Variants in ZC3H11A observed in about 807,000 individuals in gnomAD.
The protein encoded by ZC3H11A is zinc finger CCCH-type containing 11A.
Under a neutral mutation model 90.8 loss-of-function variants are expected in ZC3H11A, and 22 were observed. That is an observed-to-expected ratio of 0.24 (90% confidence interval 0.17 to 0.35). The LOEUF (loss-of-function observed/expected upper bound fraction) is 0.35, where lower values mean the gene tolerates loss of function less well. ZC3H11A is among the 10% of genes least tolerant of loss of function. ZC3H11A has a pLI of 1.00. For missense variants in ZC3H11A, 701 were observed against 964.9 expected, an observed-to-expected ratio of 0.73 and a Z score of 3.62; for synonymous variants, 294 against 339.8, an observed-to-expected ratio of 0.87 and a Z score of 1.48.
intron 2 of ZC3H11A, among the ~76,000 whole-genome samples, chr1:203,803,256 A>C (rs1671075055): frequency 6.6e-6 from 1 of 151,942 alleles, no homozygotes; most frequent in African/African-American, 2.4e-5. Context: ...CAATGGTGCC[A>C]TCTTGGCTCA....
chr1:203,809,864 G>A (rs986585943), intron 2 of ZC3H11A, among the ~76,000 whole-genome samples: 5 of 152,138 alleles, frequency 3.3e-5, no homozygotes, highest in Non-Finnish European at 1.5e-5. Context: ...TGAGGCAGGA[G>A]AATTGCTTGA....
intron 10 of ZC3H11A, among the ~76,000 whole-genome samples, chr1:203,836,487 C>T (rs1048208612): frequency 2.6e-5 from 4 of 152,196 alleles, no homozygotes; most frequent in South Asian, 2.1e-4. Flanking sequence ...CGGTAGCTTA[C>T]GCCTGTAATC....
At chr1:203,829,265 T>C in intron 5 of ZC3H11A, 186 bp from the exon 6 acceptor site, 3 of 620,874 alleles carry the variant, frequency 4.8e-6, no homozygotes, top group Non-Finnish European at 8.4e-6. Flanking sequence ...AGTGGAGAGT[T>C]AGTGGAGAGT....
chr1:203,838,060 G>C lies in ZC3H11A; in HGVS notation c.969G>C (p.Lys323Asn). The change falls in exon 11 of 18, where the codon AAG becomes AAC. Residue 323 changes from lysine (K) to asparagine (N), a missense_variant. This residue lies in a region of ZC3H11A where 530 missense variants were observed against 696.2 expected (regional missense o/e 0.76). Transcript: ENST00000367210. Reference sequence around the variant, plus strand: ...AAACTAACATTGACAAAACACCAAAGAAAGGTACCTGTGTTCTTACATACT... The same window carrying C: ...AAACTAACATTGACAAAACACCAAACAAAGGTACCTGTGTTCTTACATACT... ...APETNIDKTPKKAQVSKSLKE... is the reference protein window; with the variant it reads ...APETNIDKTPNKAQVSKSLKE... 1 of 1,614,082 alleles carries C rather than the reference G, an allele frequency of 6.2e-7. No homozygotes were observed. The highest frequency in any genetic ancestry group is 8.5e-7 in the Non-Finnish European group (1 of 1,179,962).
intron 2 of ZC3H11A, chr1:203,815,031 T>G (rs771143213): frequency 3.3e-5 from 5 of 151,896 alleles, no homozygotes; most frequent in Admixed American, 6.6e-5. Flanking sequence ...GGTTTCGCCA[T>G]GTTGTCCAGG....
At chr1:203,826,372 TTAA>T (rs547208812) in intron 4 of ZC3H11A, among the ~76,000 whole-genome samples, 72 of 148,624 alleles carry the variant, frequency 4.8e-4, no homozygotes, top group South Asian at 3.8e-3. Flanking sequence ...TAAATATTGA[TTAA>T]TAATAATTAA....
intron 10 of ZC3H11A, among the ~76,000 whole-genome samples, chr1:203,837,340 A>G (rs922380498): frequency 6.6e-6 from 1 of 150,508 alleles, no homozygotes; most frequent in Non-Finnish European, 1.5e-5. Context: ...TCACATTTCT[A>G]ATTCTGAACT....
rs746555049 is a variant in ZC3H11A, at chr1:203,838,087, T to C, written c.973+23T>C. The C allele has an allele frequency of 2.5e-6, 4 of 1,600,342 alleles. No homozygotes were observed. The East Asian group carries it at 8.9e-5, about 36-fold the overall frequency. ...AAGGTACCTGTGTTCTTACATACTTTGTGTGTGTATGTAATTATGACACTT... is the reference window on the plus strand; with the variant it reads ...AAGGTACCTGTGTTCTTACATACTTCGTGTGTGTATGTAATTATGACACTT... On this transcript the variant is annotated intron_variant, in intron 11 of 17. Coordinates refer to ENST00000367210, the MANE Select transcript of ZC3H11A (RefSeq NM_001376342.1).
At chr1:203,823,858 G>A (rs12754703) in intron 4 of ZC3H11A, among the ~76,000 whole-genome samples, 1 of 152,168 alleles carries the variant, frequency 6.6e-6, no homozygotes, top group East Asian at 1.9e-4. Flanking sequence ...TCATACTGTA[G>A]AGTGCCAGGT....
At chr1:203,803,657 G>A (rs1054221792) in intron 2 of ZC3H11A, among the ~76,000 whole-genome samples, 1 of 152,202 alleles carries the variant, frequency 6.6e-6, no homozygotes, top group African/African-American at 2.4e-5. Context: ...TGAGGCTGGA[G>A]TGCAGTGGCA....
intron 2 of ZC3H11A, among the ~76,000 whole-genome samples, chr1:203,810,715 G>A (rs1409010630): frequency 1.3e-5 from 2 of 152,060 alleles, no homozygotes; most frequent in African/African-American, 4.8e-5. Context: ...CACCGCGCCC[G>A]GCCAGCTCTT....
chr1:203,798,874 A>G (rs1343428808), intron 1 of ZC3H11A: 1 of 1,536,154 alleles, frequency 6.5e-7, no homozygotes, highest in South Asian at 1.2e-5. Flanking sequence ...TCAGAGACTT[A>G]CTTTTTCACT....
chr1:203,847,105 G>A (rs1572356834), intron 12 of ZC3H11A, 79 bp from the exon 13 acceptor site: 1 of 1,493,160 alleles, frequency 6.7e-7, no homozygotes, highest in East Asian at 2.3e-5. Flanking sequence ...GGACTGTCTT[G>A]ATCCAAGAAT....
At chr1:203,805,273 A>G (rs1671930353) in intron 2 of ZC3H11A, among the ~76,000 whole-genome samples, 1 of 150,792 alleles carries the variant, frequency 6.6e-6, no homozygotes, top group African/African-American at 2.4e-5. Context: ...GTAGGACTAC[A>G]GGCGCCCGCC....
At chr1:203,823,113 G>A (rs1395052410) in intron 4 of ZC3H11A, among the ~76,000 whole-genome samples, 4 of 152,118 alleles carry the variant, frequency 2.6e-5, no homozygotes, top group African/African-American at 9.7e-5. Flanking sequence ...TTAGTGGAGT[G>A]TATATTGGCA....
rs150682835 is a variant in ZC3H11A at position 203,845,226 on chromosome 1, G to C, written c.1043-1958G>C. ...GTGACATCCTTATTTCTCATTGCTG[G>C]TGTGGATTTATTTTATTTTTAATGT... On this transcript the variant is annotated intron_variant, in intron 12 of 17. Transcript: ENST00000367210. Among the ~76,000 whole-genome samples, 42 of 152,210 alleles carry C rather than the reference G, an allele frequency of 2.8e-4. No homozygotes were observed. The East Asian group carries it at 7.3e-3, about 27-fold the overall frequency.
rs371132458 is a variant in ZC3H11A, at chr1:203,801,788, G to A, written c.-1374G>A. 1 of 149,102 alleles carries A rather than the reference G, an allele frequency of 6.7e-6. No individual in the cohort carries two copies. The highest frequency in any genetic ancestry group is 1.5e-5 in the Non-Finnish European group (1 of 67,492). 9.2% of individuals were successfully genotyped at this position (149,102 alleles called of 1,614,324 possible). ...TTCAAAGTTTAGAACTCATTTCTAT[G>A]TATCAAAATCGGGTTTTTTTTGGTT... is the stretch of plus-strand genomic sequence containing the variant. On this transcript the variant is annotated 5_prime_UTR_variant, in exon 2 of 18. An upstream start codon of the reference 5' UTR is lost. Coordinates refer to ENST00000367210, the MANE Select transcript of ZC3H11A (RefSeq NM_001376342.1).
chr1:203,834,356 C>T (rs918848822), intron 10 of ZC3H11A, among the ~76,000 whole-genome samples: 5 of 152,154 alleles, frequency 3.3e-5, no homozygotes, highest in African/African-American at 9.7e-5. Flanking sequence ...ACTGCAACCT[C>T]CACCTCCTGG....
chr1:203,809,644 T>A (rs903663575), intron 2 of ZC3H11A, among the ~76,000 whole-genome samples: 1 of 152,000 alleles, frequency 6.6e-6, no homozygotes, highest in Non-Finnish European at 1.5e-5. Context: ...TTTCAAACGG[T>A]TATTTTCTGT....
Sources: gnomAD v4.1 joint callset for allele counts (sites outside exome capture counted in the v4.1 genomes callset) on GRCh38, gnomAD v4.1.1 for gene constraint, gnomAD v4.1.1 regional missense constraint, MANE v1.5 for transcripts, NCBI Gene and HGNC (gene_info 2026-07-23, HGNC 2026-07-21) for gene names.